The following IGSF10 variants were observed in gnomAD, a reference collection of about 807,000 sequenced individuals.
IGSF10 encodes immunoglobulin superfamily member 10.
A neutral mutation model predicts 128.2 loss-of-function variants in IGSF10; 126 were observed. The observed-to-expected ratio is 0.98, with a 90% CI of 0.85 to 1.14. The LOEUF (loss-of-function observed/expected upper bound fraction) is 1.14, where lower values mean the gene tolerates loss of function less well. Among genes scored for constraint, IGSF10 ranks in the 50% most tolerant of loss-of-function variants. IGSF10 has a pLI of 0.00. For missense variants in IGSF10, 3,295 were observed against 3,149.8 expected (o/e 1.05, Z -1.10); for synonymous variants, 1,185 against 1,146.2 (o/e 1.03, Z -0.68).
the IGSF10 span, among the ~76,000 whole-genome samples, chr3:151,541,280 T>C: frequency 7.2e-5 from 11 of 152,192 alleles, no homozygotes; most frequent in African/African-American, 2.7e-4. Flanking sequence ...ATGTGTCTGT[T>C]GAAGTAGAAT....
chr3:151,457,790 A>T (rs1721868047), intron 3 of IGSF10, among the ~76,000 whole-genome samples: 1 of 152,212 alleles, frequency 6.6e-6, no homozygotes, highest in Non-Finnish European at 1.5e-5. Context: ...TTAGCTCTTA[A>T]TATTAGTGAC....
the IGSF10 span, among the ~76,000 whole-genome samples, chr3:151,588,879 G>A: frequency 2.0e-5 from 3 of 152,278 alleles, no homozygotes; most frequent in East Asian, 3.9e-4. Context: ...TGCTATGAAT[G>A]CATAGTCAAA....
chr3:151,476,458 A>G, the IGSF10 span, among the ~76,000 whole-genome samples: 1 of 152,136 alleles, frequency 6.6e-6, no homozygotes, highest in Admixed American at 6.5e-5. Flanking sequence ...GAAGCATCCT[A>G]GTCTGACGTA....
chr3:151,466,508 C>A, the IGSF10 span, among the ~76,000 whole-genome samples: 5 of 152,120 alleles, frequency 3.3e-5, no homozygotes, highest in African/African-American at 1.2e-4. Flanking sequence ...GTCTGGGACT[C>A]CACCTTCTGG....
At chr3:151,575,256 G>A in the IGSF10 span, among the ~76,000 whole-genome samples, 4 of 151,468 alleles carry the variant, frequency 2.6e-5, no homozygotes, top group African/African-American at 9.8e-5. Flanking sequence ...CTTTCTTCAG[G>A]GCTGTCAGAC....
In IGSF10 at chr3:151,447,390, G is replaced by C; in HGVS notation, c.2591C>G (p.Ala864Gly). Reference protein sequence around the residue: ...EEPTDFKLSTAIKTTAMSKNI... With the variant: ...EEPTDFKLSTGIKTTAMSKNI... ...CTTTGACATGGCTGTAGTTTTAATA[G>C]CAGTAGACAGTTTGAAATCTGTGGG... is the stretch of plus-strand genomic sequence containing the variant. Residue 864 changes from alanine to glycine, a missense_variant, in exon 6 of 8, where the codon GCT becomes GGT. Physicochemically the swap from Ala to Gly is moderately conservative, Grantham distance 60. Transcript: ENST00000282466. 6.2e-7 allele frequency: 1 copy of C among 1,614,092 alleles called. No individual in the cohort carries two copies. The highest frequency in any genetic ancestry group is 1.1e-5 in the South Asian group (1 of 91,078).
chr3:151,463,230 C>A (rs958619105), upstream of IGSF10, among the ~76,000 whole-genome samples: 2 of 152,108 alleles, frequency 1.3e-5, no homozygotes, highest in African/African-American at 4.8e-5. Flanking sequence ...TGTCATCTTC[C>A]AGAATTATTA....
chr3:151,522,034 A>G, the IGSF10 span, among the ~76,000 whole-genome samples: 1 of 152,048 alleles, frequency 6.6e-6, no homozygotes, highest in East Asian at 1.9e-4. Context: ...CTGACCCCAC[A>G]GGAATAAAGA....
chr3:151,540,906 C>G, the IGSF10 span, among the ~76,000 whole-genome samples: 1 of 152,156 alleles, frequency 6.6e-6, no homozygotes, highest in South Asian at 2.1e-4. Context: ...TTTTGTTGCT[C>G]TCTGAGGATC....
the IGSF10 span, among the ~76,000 whole-genome samples, chr3:151,525,271 A>T: frequency 6.6e-6 from 1 of 152,122 alleles, no homozygotes; most frequent in Non-Finnish European, 1.5e-5. Context: ...AGTTTACGGA[A>T]GTACAATTAA....
At chr3:151,523,073 C>G in the IGSF10 span, among the ~76,000 whole-genome samples, 1 of 152,088 alleles carries the variant, frequency 6.6e-6, no homozygotes, top group Non-Finnish European at 1.5e-5. Flanking sequence ...ACAATAGCCA[C>G]AAAAAGAATA....
chr3:151,491,394 T>C, the IGSF10 span, among the ~76,000 whole-genome samples: 3 of 152,078 alleles, frequency 2.0e-5, no homozygotes, highest in Admixed American at 2.0e-4. Context: ...CTGGCCAACA[T>C]GATGAGACCC....
chr3:151,520,396 T>C, the IGSF10 span, among the ~76,000 whole-genome samples: 1 of 151,792 alleles, frequency 6.6e-6, no homozygotes, highest in Non-Finnish European at 1.5e-5. Context: ...TTCTCAGACA[T>C]GTAAAGCAGA....
chr3:151,498,424 G>C, the IGSF10 span, among the ~76,000 whole-genome samples: 1 of 152,094 alleles, frequency 6.6e-6, no homozygotes. Context: ...TAAAATACTG[G>C]CAAATCGAAT....
At chr3:151,531,084 G>C in the IGSF10 span, among the ~76,000 whole-genome samples, 1 of 152,134 alleles carries the variant, frequency 6.6e-6, no homozygotes, top group African/African-American at 2.4e-5. Flanking sequence ...AATTGAAAGA[G>C]ACAAAGAAGG....
At position 151,443,542 on chromosome 3, in the gene IGSF10, T is replaced by A. The variant is rs35736581; in HGVS notation, c.5405A>T (p.Asp1802Val). Residue 1802 changes from aspartate (D) to valine (V), a missense_variant, in exon 7 of 8, where the codon GAC (aspartate) becomes GTC (valine). Asp to Val is a radical substitution (Grantham distance 152). Coordinates refer to ENST00000282466, the MANE Select transcript of IGSF10 (RefSeq NM_178822.5). ...QGSRQAVVTV[D>V]GTLVLHNLSI... ...GAGATTGTGGAGGACCAATGTTCCG[T>A]CAACCGTCACCACAGCCTGCCTACT... The A allele has an allele frequency of 3.5e-3, 5,638 of 1,614,212 alleles. 13 individuals carry two copies. The highest frequency in any genetic ancestry group is 4.0e-3 in the Non-Finnish European group (4,737 of 1,180,034).
rs764217271 is a variant in IGSF10, at chr3:151,438,545, C to G, written c.6016G>C (p.Val2006Leu). Residue 2006 changes from valine (V) to leucine (L), a missense_variant, in exon 8 of 8, where the codon GTA (valine) becomes CTA (leucine). By Grantham distance (32) the Val-to-Leu change is conservative (BLOSUM62 1). Transcript: ENST00000282466. Reference sequence around the variant, plus strand: ...TAGACACCACTGTCTTTTTCTGTTACTGATCCAATAAACAGGGATCCATTA... The same window carrying G: ...TAGACACCACTGTCTTTTTCTGTTAGTGATCCAATAAACAGGGATCCATTA... ...YPNGSLFIGSVTEKDSGVYLC... is the reference protein window; with the variant it reads ...YPNGSLFIGSLTEKDSGVYLC... 1.9e-6 allele frequency: 3 copies of G among 1,613,900 alleles called. No homozygotes were observed. Among genetic ancestry groups the G allele is most frequent in the South Asian group, 1.1e-5 (1 of 91,074 alleles).
the IGSF10 span, among the ~76,000 whole-genome samples, chr3:151,611,869 G>T: frequency 2.0e-5 from 3 of 152,122 alleles, no homozygotes; most frequent in African/African-American, 7.2e-5. Flanking sequence ...AACTAAAAAA[G>T]AAATATTAAC....
At chr3:151,596,626 C>T in the IGSF10 span, among the ~76,000 whole-genome samples, 2 of 152,126 alleles carry the variant, frequency 1.3e-5, no homozygotes, top group African/African-American at 4.8e-5. Context: ...TATTCCCAAT[C>T]CCTAAGGTAT....
Sources: gnomAD v4.1 joint callset for allele counts (sites outside exome capture counted in the v4.1 genomes callset) on GRCh38, gnomAD v4.1.1 for gene constraint, MANE v1.5 for transcripts, NCBI Gene and HGNC (gene_info 2026-07-23, HGNC 2026-07-21) for gene names.